RORA: variants seen among roughly 807,000 people sequenced by gnomAD.
RORA encodes nuclear receptor ROR-alpha.
In RORA, 7 loss-of-function variants were observed where a neutral mutation model predicts 69.5. That is an observed-to-expected ratio of 0.10 (90% confidence interval 0.06 to 0.19). The LOEUF is 0.19. Ranked by LOEUF, RORA falls within the 10% of genes least tolerant of loss-of-function variation. The pLI is 1.00. For missense variants in RORA, 457 were observed against 663.0 expected, an observed-to-expected ratio of 0.69 and a Z score of 3.41; for synonymous variants, 261 against 240.8, an observed-to-expected ratio of 1.08 and a Z score of -0.78.
intron 1 of RORA, among the ~76,000 whole-genome samples, chr15:61,116,694 G>A (rs1382730228): frequency 1.3e-5 from 2 of 152,214 alleles, no homozygotes; most frequent in Non-Finnish European, 2.9e-5. Flanking sequence ...TCTGAGAGAG[G>A]TGAACTGGGT....
At chr15:60,833,552 C>T (rs1359014043) in intron 1 of RORA, among the ~76,000 whole-genome samples, 4 of 152,142 alleles carry the variant, frequency 2.6e-5, no homozygotes, top group Admixed American at 6.5e-5. Context: ...TTCTATGTCC[C>T]TTTCTCATTT....
At chr15:60,804,339 G>C (rs1595727936) in intron 1 of RORA, among the ~76,000 whole-genome samples, 8 of 147,530 alleles carry the variant, frequency 5.4e-5, no homozygotes, top group Admixed American at 5.4e-4. Context: ...TGTTTGCTCT[G>C]TGTTAGCTGT....
chr15:60,689,764 A>G (rs989711395), intron 1 of RORA, among the ~76,000 whole-genome samples: 1 of 152,192 alleles, frequency 6.6e-6, no homozygotes, highest in African/African-American at 2.4e-5. Flanking sequence ...GAAAAAGGCC[A>G]CATGCAGATG....
intron 2 of RORA, among the ~76,000 whole-genome samples, chr15:60,613,768 A>G (rs1463546011): frequency 7.1e-6 from 1 of 140,608 alleles, no homozygotes; most frequent in Non-Finnish European, 1.6e-5. Context: ...AAGTCACCTG[A>G]AAAAAAAAAA....
intron 1 of RORA, among the ~76,000 whole-genome samples, chr15:61,215,067 T>C (rs1270359221): frequency 8.3e-6 from 1 of 120,122 alleles, no homozygotes; most frequent in Non-Finnish European, 1.7e-5. Flanking sequence ...GTATTTTAGG[T>C]AGATATGGGG....
intron 1 of RORA, among the ~76,000 whole-genome samples, chr15:60,831,952 C>T (rs1023888327): frequency 6.6e-6 from 1 of 152,150 alleles, no homozygotes; most frequent in Admixed American, 6.5e-5. Context: ...GTACACAAAG[C>T]CTACAACCTG....
At chr15:61,062,328 C>T (rs2078198277) in intron 1 of RORA, among the ~76,000 whole-genome samples, 1 of 152,182 alleles carries the variant, frequency 6.6e-6, no homozygotes, top group Non-Finnish European at 1.5e-5. Context: ...GTCTTGCTCC[C>T]CTAGCCCCTA....
chr15:60,909,216 A>G (rs1238559431), intron 1 of RORA, among the ~76,000 whole-genome samples: 5 of 152,166 alleles, frequency 3.3e-5, no homozygotes, highest in African/African-American at 9.7e-5. Flanking sequence ...CTGGCTCCCA[A>G]GCTTCGACCT....
intron 1 of RORA, among the ~76,000 whole-genome samples, chr15:60,857,565 C>G (rs748310897): frequency 6.6e-6 from 1 of 151,978 alleles, no homozygotes; most frequent in Non-Finnish European, 1.5e-5. Flanking sequence ...CCCATACAAA[C>G]AGAGGAACTC....
intron 1 of RORA, among the ~76,000 whole-genome samples, chr15:60,809,974 T>C (rs2072719339): frequency 1.3e-5 from 2 of 152,140 alleles, no homozygotes; most frequent in South Asian, 2.1e-4. Flanking sequence ...CCAGTCTAGA[T>C]TGTTTTGTTT....
At chr15:60,772,074 A>C (rs938600707) in intron 1 of RORA, among the ~76,000 whole-genome samples, 1 of 152,008 alleles carries the variant, frequency 6.6e-6, no homozygotes, top group Non-Finnish European at 1.5e-5. Context: ...TATTTATATT[A>C]TACTTTAAGT....
intron 1 of RORA, among the ~76,000 whole-genome samples, chr15:61,081,970 C>A (rs1362759176): frequency 6.6e-6 from 1 of 152,106 alleles, no homozygotes; most frequent in Non-Finnish European, 1.5e-5. Flanking sequence ...TGGGAAACAG[C>A]CCATATTTAG....
At chr15:60,518,451 C>T (rs759420936) in intron 3 of RORA, among the ~76,000 whole-genome samples, 9 of 152,340 alleles carry the variant, frequency 5.9e-5, no homozygotes, top group Non-Finnish European at 8.8e-5. Flanking sequence ...CAGACATCTT[C>T]GGGCTTTGCA....
rs372532933 is a variant in RORA, at chr15:61,200,747, C to T, written c.166+28306G>A. On this transcript the variant is annotated intron_variant, in intron 1 of 10. Coordinates refer to ENST00000335670, the MANE Select transcript of RORA (RefSeq NM_134261.3). ...AATGCTGTCCTTTTGGCAGTTGTTG[C>T]ACTTAATTGAGTGAAAAAAGCTGTC... Among the ~76,000 whole-genome samples the T allele has an allele frequency of 2.1e-4, 32 of 152,250 alleles. 1 individual carries two copies. In the East Asian group the frequency reaches 4.8e-3, roughly 23 times the overall value.
At chr15:60,959,716 C>T (rs1205332392) in intron 1 of RORA, among the ~76,000 whole-genome samples, 2 of 152,138 alleles carry the variant, frequency 1.3e-5, no homozygotes, top group Non-Finnish European at 2.9e-5. Flanking sequence ...CCTTTAAACA[C>T]CCTGGGAAAC....
At chr15:60,981,436 G>A (rs561653210) in intron 1 of RORA, among the ~76,000 whole-genome samples, 1 of 151,926 alleles carries the variant, frequency 6.6e-6, no homozygotes, top group African/African-American at 2.4e-5. Context: ...CTCTTTATGG[G>A]TGTATTGATG....
chr15:61,177,884 C>T (rs1485269418), intron 1 of RORA, among the ~76,000 whole-genome samples: 1 of 151,564 alleles, frequency 6.6e-6, no homozygotes, highest in Non-Finnish European at 1.5e-5. Flanking sequence ...ATCCCTTGAA[C>T]TCAGGAAGCG....
At chr15:61,161,626 T>A (rs926942991) in intron 1 of RORA, among the ~76,000 whole-genome samples, 1 of 152,058 alleles carries the variant, frequency 6.6e-6, no homozygotes, top group Non-Finnish European at 1.5e-5. Context: ...CTACTGGGCT[T>A]GGGTGCACAT....
chr15:60,913,429 T>A (rs558994344), intron 1 of RORA, among the ~76,000 whole-genome samples: 1 of 152,320 alleles, frequency 6.6e-6, no homozygotes, highest in Non-Finnish European at 1.5e-5. Flanking sequence ...GCCAACGTCT[T>A]GGTATTCCAT....
Sources: allele counts gnomAD v4.1 joint callset (sites outside exome capture counted in the v4.1 genomes callset), GRCh38; gene constraint gnomAD v4.1.1; transcripts MANE v1.5; gene names NCBI Gene and HGNC (gene_info 2026-07-23, HGNC 2026-07-21).